Variants in SORCS2 observed in about 807,000 individuals in gnomAD.
SORCS2 encodes sortilin related VPS10 domain containing receptor 2.
Under a neutral mutation model 141.6 loss-of-function variants are expected in SORCS2, and 100 were observed. The ratio of observed to expected loss-of-function variants is 0.71; its 90% CI spans 0.60 to 0.83. SORCS2 has a LOEUF of 0.83. Ranked by LOEUF, SORCS2 falls within the 40% of genes least tolerant of loss-of-function variation. The probability of loss-of-function intolerance (pLI) is 0.00; values close to 1 mark genes in which losing one functional copy is unlikely to be tolerated. For missense variants in SORCS2, 1,646 were observed against 1,560.2 expected, an observed-to-expected ratio of 1.05 and a Z score of -0.93; for synonymous variants, 789 against 676.9, an observed-to-expected ratio of 1.17 and a Z score of -2.57.
At chr4:7,369,164 A>C (rs916135407) in intron 1 of SORCS2, among the ~76,000 whole-genome samples, 18 of 152,270 alleles carry the variant, frequency 1.2e-4, no homozygotes, top group Middle Eastern at 3.4e-3. Flanking sequence ...AAAAAAAATT[A>C]GCTGGAAGTG....
intron 3 of SORCS2, among the ~76,000 whole-genome samples, chr4:7,545,846 A>C (rs1315931663): frequency 2.0e-5 from 3 of 152,230 alleles, no homozygotes; most frequent in Non-Finnish European, 4.4e-5. Context: ...GAAACACTCC[A>C]AACTGGGTGA....
chr4:7,570,634 G>T (rs577775159), intron 3 of SORCS2, among the ~76,000 whole-genome samples: 142 of 152,376 alleles, frequency 9.3e-4, no homozygotes, highest in African/African-American at 3.2e-3. Flanking sequence ...GTTGAAGTGA[G>T]AGTGCCCAGG....
chr4:7,739,587 C>G (rs1162439344), intron 26 of SORCS2, among the ~76,000 whole-genome samples: 3 of 152,152 alleles, frequency 2.0e-5, no homozygotes, highest in African/African-American at 7.2e-5. Flanking sequence ...GATGAAGAAG[C>G]CAAGGCCCAG....
intron 8 of SORCS2, among the ~76,000 whole-genome samples, chr4:7,668,718 T>C (rs1722638255): frequency 6.6e-6 from 1 of 152,196 alleles, no homozygotes; most frequent in African/African-American, 2.4e-5. Context: ...TAAAAGCTAA[T>C]GGTTTCATTT....
chr4:7,618,974 C>T (rs1718955914), intron 3 of SORCS2, among the ~76,000 whole-genome samples: 1 of 152,098 alleles, frequency 6.6e-6, no homozygotes, highest in African/African-American at 2.4e-5. Context: ...TCCTCGGAAG[C>T]ACCTGAAATT....
At chr4:7,304,319 G>A (rs988373117) in intron 1 of SORCS2, among the ~76,000 whole-genome samples, 5 of 152,200 alleles carry the variant, frequency 3.3e-5, no homozygotes, top group Admixed American at 1.3e-4. Flanking sequence ...ACGGGGGCAG[G>A]TGATGGTTGG....
intron 12 of SORCS2, 63 bp downstream of exon 12, chr4:7,697,337 C>A (rs576548666): frequency 1.5e-6 from 2 of 1,373,416 alleles, no homozygotes; most frequent in Non-Finnish European, 2.0e-6. Flanking sequence ...TCAGGAGACA[C>A]TTCTGTTCTG....
intron 1 of SORCS2, among the ~76,000 whole-genome samples, chr4:7,219,733 G>A (rs918601499): frequency 1.3e-5 from 2 of 152,168 alleles, no homozygotes; most frequent in African/African-American, 2.4e-5. Flanking sequence ...TGACACGTGG[G>A]GATCGTGGGA....
At chr4:7,345,267 C>T (rs1720593566) in intron 1 of SORCS2, among the ~76,000 whole-genome samples, 1 of 152,210 alleles carries the variant, frequency 6.6e-6, no homozygotes, top group African/African-American at 2.4e-5. Context: ...ACAGGACAGA[C>T]TGAGCAGTGC....
chr4:7,573,794 T>C (rs1715550509), intron 3 of SORCS2, among the ~76,000 whole-genome samples: 2 of 152,218 alleles, frequency 1.3e-5, no homozygotes, highest in African/African-American at 4.8e-5. Context: ...TGTGCATCTT[T>C]AGGGTACACA....
chr4:7,719,693 A>G (rs1427701315), intron 18 of SORCS2, among the ~76,000 whole-genome samples: 4 of 152,206 alleles, frequency 2.6e-5, no homozygotes, highest in Admixed American at 2.6e-4. Context: ...CCCTCAGAGT[A>G]GACCCCGCTG....
chr4:7,579,376 C>T (rs960043986), intron 3 of SORCS2, among the ~76,000 whole-genome samples: 1 of 152,096 alleles, frequency 6.6e-6, no homozygotes, highest in Non-Finnish European at 1.5e-5. Context: ...TGTGCACGCA[C>T]CTGTGTGCAA....
rs117672296 is a variant in SORCS2, at chr4:7,402,780, T to A, written c.548+6425T>A. ...AAGTGGGTGTGAGATTACAGCTTAA[T>A]CTTGTTATTTTGCATCTCCCTCATA... On this transcript the variant is annotated intron_variant, in intron 2 of 26. Transcript: ENST00000507866. 7.9e-5 allele frequency among the ~76,000 whole-genome samples: 12 copies of A among 152,286 alleles called. No individual in the cohort carries two copies. In the East Asian group the frequency reaches 1.9e-3, roughly 24 times the overall value.
rs1299789425 is a variant in SORCS2, at chr4:7,741,294, CTG to C, written c.*1031_*1032del. 5.0e-6 allele frequency: 2 copies of C among 398,990 alleles called. No individual in the cohort carries two copies. The highest frequency in any genetic ancestry group is 8.8e-6 in the Non-Finnish European group (2 of 226,148). 24.7% of individuals were successfully genotyped at this position (398,990 alleles called of 1,614,324 possible). On this transcript the variant is annotated 3_prime_UTR_variant, in exon 27 of 27. Coordinates refer to ENST00000507866, the MANE Select transcript of SORCS2 (RefSeq NM_020777.3). Reference sequence around the variant, plus strand: ...GACCCTCATTTTCAAGAAGGGGAAACTGAGGCCCAGGGAGGAGAGTAACTGAA... The same window carrying C: ...GACCCTCATTTTCAAGAAGGGGAAACAGGCCCAGGGAGGAGAGTAACTGAA...
In SORCS2 at chr4:7,703,351, C is replaced by A. The variant is rs777390753; in HGVS notation, c.1740C>A (p.Ser580=). The A allele has an allele frequency of 6.2e-7, 1 of 1,613,192 alleles. No homozygotes were observed. The highest frequency in any genetic ancestry group is 1.3e-5 in the African/African-American group (1 of 74,926). ...GGVIVAIKDT[S]IPLKILKFSV... ...TGATCGTGGCCATCAAAGACACCTC[C>A]ATCCCTTTGAAGATCCTCAAGTAAT... Residue 580 remains serine (S), a synonymous_variant, in exon 13 of 27, where the codon TCC becomes TCA. Coordinates refer to ENST00000507866, the MANE Select transcript of SORCS2 (RefSeq NM_020777.3).
rs1011873750 is a variant in SORCS2 at position 7,664,451 on chromosome 4, G to A, written c.1051G>A (p.Asp351Asn). Residue 351 changes from aspartate to asparagine, a missense_variant, in exon 7 of 27, where the codon GAC becomes AAC. Coordinates refer to ENST00000507866, the MANE Select transcript of SORCS2 (RefSeq NM_020777.3). The surrounding 1 kb of genome is among the most constrained non-coding windows in gnomAD (Gnocchi z 4.7). Reference sequence around the variant, plus strand: ...TGACCACGGGTCTCTGACCGTGCAGGACGATTACATCTTCTTTAAGGTAAG... The same window carrying A: ...TGACCACGGGTCTCTGACCGTGCAGAACGATTACATCTTCTTTAAGGTAAG... ...PIDHGSLTVQ[D>N]DYIFFKATSA... 1.9e-6 allele frequency: 3 copies of A among 1,613,420 alleles called. No homozygotes were observed. Among genetic ancestry groups the A allele is most frequent in the Admixed American group, 1.7e-5 (1 of 60,002 alleles).
chr4:7,420,946 A>G (rs1485156494), intron 2 of SORCS2, among the ~76,000 whole-genome samples: 1 of 152,052 alleles, frequency 6.6e-6, no homozygotes, highest in East Asian at 1.9e-4. Context: ...TGCAGGGGAC[A>G]GCAGGGTGCC....
intron 3 of SORCS2, among the ~76,000 whole-genome samples, chr4:7,540,419 C>T (rs995958356): frequency 2.0e-5 from 3 of 152,132 alleles, no homozygotes; most frequent in Admixed American, 1.3e-4. Flanking sequence ...CTATGTCCAG[C>T]GGGGGATGGC....
At chr4:7,518,156 A>C (rs964845400) in intron 2 of SORCS2, among the ~76,000 whole-genome samples, 3 of 152,128 alleles carry the variant, frequency 2.0e-5, no homozygotes, top group African/African-American at 7.2e-5. Context: ...GTTGTTCTCA[A>C]TTGTTTCATT....
Sources: allele counts gnomAD v4.1 joint callset (sites outside exome capture counted in the v4.1 genomes callset), GRCh38; gene constraint gnomAD v4.1.1; non-coding constraint Gnocchi (gnomAD v3.1); transcripts MANE v1.5; gene names NCBI Gene and HGNC (gene_info 2026-07-23, HGNC 2026-07-21).